The following AMPD3 variants were observed in gnomAD, a reference collection of about 807,000 sequenced individuals.
The protein encoded by AMPD3 is adenosine monophosphate deaminase 3, also known as AMP deaminase 3.
In AMPD3, 57 loss-of-function variants were observed where a neutral mutation model predicts 82.3. That is an observed-to-expected ratio of 0.69 (90% CI 0.56 to 0.86). AMPD3 has a LOEUF of 0.86. Ranked by LOEUF, AMPD3 falls within the 40% of genes least tolerant of loss-of-function variation. The pLI is 0.00. For missense variants in AMPD3, 870 were observed against 1,003.8 expected (o/e 0.87, Z 1.80); for synonymous variants, 381 against 394.7 (o/e 0.97, Z 0.41).
chr11:10,501,036 T>G (rs897154103), intron 11 of AMPD3: 34 of 985,336 alleles, frequency 3.5e-5, no homozygotes, highest in Admixed American at 6.1e-5. Context: ...ATGGGGGCTC[T>G]GGTTCTGGCT....
In AMPD3 at chr11:10,455,410, G is replaced by C. The variant is rs1346616283; in HGVS notation, c.-44G>C. 2.0e-6 allele frequency: 2 copies of C among 985,134 alleles called. No individual in the cohort carries two copies. The highest frequency in any genetic ancestry group is 2.4e-6 in the Non-Finnish European group (2 of 829,864). 61.0% of individuals were successfully genotyped at this position (985,134 alleles called of 1,614,324 possible). ...GGAGGAGTGGCAGAGTCCAGCCAGC[G>C]CTCGGAGCTGGAGGCCCACGTGGGA... On this transcript the variant is annotated 5_prime_UTR_variant, in exon 1 of 15. Coordinates refer to ENST00000396553, the MANE Select transcript of AMPD3 (RefSeq NM_001025389.2).
At chr11:10,480,012 G>A (rs1230916710) in intron 3 of AMPD3, 17 of 964,798 alleles carry the variant, frequency 1.8e-5, no homozygotes, top group South Asian at 9.6e-5. Flanking sequence ...GAGGTGGGTC[G>A]GCCACCAGCT....
chr11:10,487,757 C>T (rs1347998434), intron 6 of AMPD3, among the ~76,000 whole-genome samples: 2 of 152,130 alleles, frequency 1.3e-5, no homozygotes, highest in Non-Finnish European at 2.9e-5. Flanking sequence ...TTGGTCCCCT[C>T]CTTGTGTCCA....
intron 5 of AMPD3, 173 bp from the exon 6 acceptor site, chr11:10,487,062 G>A: frequency 1.0e-6 from 1 of 969,476 alleles, no homozygotes; most frequent in South Asian, 4.8e-5. Context: ...TATAGAGTCT[G>A]TGGATATGAC....
At chr11:10,463,217 T>C (rs1024418112) in intron 2 of AMPD3, among the ~76,000 whole-genome samples, 1 of 151,790 alleles carries the variant, frequency 6.6e-6, no homozygotes, top group Non-Finnish European at 1.5e-5. Flanking sequence ...GTGTAGAAGC[T>C]CGCATTTTCT....
At chr11:10,451,005 C>G, upstream of AMPD3, 3 of 1,578,324 alleles carry the variant, frequency 1.9e-6, no homozygotes, top group East Asian at 7.0e-5. Flanking sequence ...CTGCGGCCGT[C>G]CCTTTCGGCC....
chr11:10,459,346 A>G (rs1848191800), intron 1 of AMPD3, among the ~76,000 whole-genome samples: 1 of 152,186 alleles, frequency 6.6e-6, no homozygotes, highest in African/African-American at 2.4e-5. Flanking sequence ...GACTCAGAGC[A>G]GCAAGCCCTC....
chr11:10,497,529 G>C, intron 10 of AMPD3: 1 of 969,526 alleles, frequency 1.0e-6, no homozygotes. Context: ...TGGTGATACA[G>C]GCCAGTGCCT....
intron 8 of AMPD3, 110 bp from the exon 9 acceptor site, chr11:10,495,460 C>T (rs1849365705): frequency 1.9e-6 from 3 of 1,591,684 alleles, no homozygotes; most frequent in Non-Finnish European, 2.6e-6. Flanking sequence ...TGCTTCCAGC[C>T]TGGGAGCAAG....
intron 2 of AMPD3, among the ~76,000 whole-genome samples, chr11:10,465,152 G>A (rs1848383137): frequency 6.6e-6 from 1 of 152,200 alleles, no homozygotes; most frequent in South Asian, 2.1e-4. Context: ...CACCATTAAT[G>A]TTCCTGTTTT....
chr11:10,504,435 T>G, intron 13 of AMPD3, 114 bp from the exon 14 acceptor site: 1 of 1,137,030 alleles, frequency 8.8e-7, no homozygotes, highest in East Asian at 2.4e-5. Flanking sequence ...CCAGGTGCCA[T>G]TTAGTGAGGA....
chr11:10,478,283 T>C (rs1848798870), intron 2 of AMPD3: 2 of 985,348 alleles, frequency 2.0e-6, no homozygotes, highest in Non-Finnish European at 1.2e-6. Flanking sequence ...TTCTGTGGGC[T>C]GTGCAAACAG....
At chr11:10,494,430 A>T in intron 7 of AMPD3, 1 of 427,570 alleles carries the variant, frequency 2.3e-6, no homozygotes, top group Non-Finnish European at 3.1e-6. Context: ...AACAATGTCA[A>T]TGTACTTAAA....
At chr11:10,469,901 G>C (rs1043179903) in intron 2 of AMPD3, among the ~76,000 whole-genome samples, 1 of 150,338 alleles carries the variant, frequency 6.7e-6, no homozygotes, top group Admixed American at 6.6e-5. Flanking sequence ...TTAGCCGGGC[G>C]TAGTGGCGGG....
Position 10,504,532 on chromosome 11 carries a change from T to G in AMPD3, c.2017-17T>G. On this transcript the variant is annotated splice_polypyrimidine_tract_variant and intron_variant, in intron 13 of 14. Coordinates refer to ENST00000396553, the MANE Select transcript of AMPD3 (RefSeq NM_001025389.2). ...ATATCCCCCCTTCTAATCCACATGC[T>G]TTGGGGGAGGATCTAGGAAGCACTT... The G allele has an allele frequency of 6.2e-7, 1 of 1,609,118 alleles. No individual in the cohort carries two copies. Among genetic ancestry groups the G allele is most frequent in the Non-Finnish European group, 8.5e-7 (1 of 1,175,396 alleles).
At chr11:10,452,293 G>A (rs1847982845), upstream of AMPD3, among the ~76,000 whole-genome samples, 1 of 152,036 alleles carries the variant, frequency 6.6e-6, no homozygotes, top group East Asian at 1.9e-4. Context: ...GGGTTAACAG[G>A]GAGATACCCT....
In AMPD3 at chr11:10,484,872, A is replaced by G. The variant is rs763586352; in HGVS notation, c.642A>G (p.Ala214=). Residue 214 remains alanine, a synonymous_variant, in exon 5 of 15, where the codon GCA becomes GCG. Coordinates refer to ENST00000396553, the MANE Select transcript of AMPD3 (RefSeq NM_001025389.2). ...PQEDPYCLDD[A]PPNLDYLVHM... is the part of the protein sequence containing the mutation. ...AAGACCCCTACTGCCTGGATGATGC[A>G]CCCCCCAACCTGGATTACTTGGTCC... is the stretch of plus-strand genomic sequence containing the variant. 1.2e-6 allele frequency: 2 copies of G among 1,613,670 alleles called. No homozygotes were observed. Among genetic ancestry groups the G allele is most frequent in the South Asian group, 1.1e-5 (1 of 91,046 alleles).
chr11:10,505,021 G>A (rs1462147872), intron 14 of AMPD3: 1 of 684,630 alleles, frequency 1.5e-6, no homozygotes, highest in African/African-American at 2.0e-5. Context: ...GAGGGCAGAG[G>A]TTTGTTCAGA....
chr11:10,504,676 T>C lies in AMPD3; in HGVS notation c.2127+17T>C. 4 of 1,609,846 alleles carry C rather than the reference T, an allele frequency of 2.5e-6. No individual in the cohort carries two copies. The highest frequency in any genetic ancestry group is 3.4e-6 in the Non-Finnish European group (4 of 1,176,164). ...TCGCATCAGGTATGGAGTGTGACGG[T>C]GCTGCCTGTGTCCCTCCTGGGAAGG... is the stretch of plus-strand genomic sequence containing the variant. On this transcript the variant is annotated intron_variant, in intron 14 of 14. Coordinates refer to ENST00000396553, the MANE Select transcript of AMPD3 (RefSeq NM_001025389.2).
Sources: gnomAD v4.1 joint callset for allele counts (sites outside exome capture counted in the v4.1 genomes callset) on GRCh38, gnomAD v4.1.1 for gene constraint, MANE v1.5 for transcripts, NCBI Gene and HGNC (gene_info 2026-07-23, HGNC 2026-07-21) for gene names.